Variants in CDK14 observed in about 807,000 individuals in gnomAD.
CDK14 encodes cyclin dependent kinase 14, also known as cyclin-dependent kinase 14.
A neutral mutation model predicts 60.7 loss-of-function variants in CDK14; 34 were observed. The observed-to-expected ratio is 0.56, with a 90% confidence interval of 0.43 to 0.75. The LOEUF (loss-of-function observed/expected upper bound fraction) is 0.75, where lower values mean the gene tolerates loss of function less well. CDK14 is among the 30% of genes least tolerant of loss of function. The pLI is 0.00. For synonymous variants in CDK14, 197 were observed against 203.7 expected (o/e 0.97, Z 0.28); for missense variants, 482 against 564.1 (o/e 0.85, Z 1.47).
At chr7:90,983,754 A>T (rs992911980) in intron 9 of CDK14, among the ~76,000 whole-genome samples, 4 of 152,092 alleles carry the variant, frequency 2.6e-5, no homozygotes, top group African/African-American at 7.2e-5. Context: ...ATGCTAAGTG[A>T]ATTAACACAG....
At chr7:90,971,636 T>G (rs1395879531) in intron 9 of CDK14, among the ~76,000 whole-genome samples, 1 of 140,256 alleles carries the variant, frequency 7.1e-6, no homozygotes, top group Non-Finnish European at 1.5e-5. Context: ...GACAACTTGA[T>G]GACTGCATAT....
At chr7:90,928,665 G>C (rs1397512135) in intron 8 of CDK14, among the ~76,000 whole-genome samples, 1 of 152,166 alleles carries the variant, frequency 6.6e-6, no homozygotes, top group Non-Finnish European at 1.5e-5. Context: ...GGCTACTCGG[G>C]GGTCAGGGAC....
intron 2 of CDK14, among the ~76,000 whole-genome samples, chr7:90,719,426 A>G (rs899303971): frequency 7.9e-5 from 12 of 152,152 alleles, no homozygotes; most frequent in Admixed American, 6.6e-4. Flanking sequence ...ATGAATGCCA[A>G]CCTTAACTGA....
Position 91,053,453 on chromosome 7 carries a change from G to A in CDK14, c.1105+7493G>A, listed in dbSNP as rs569905317. 5.3e-5 allele frequency among the ~76,000 whole-genome samples: 8 copies of A among 152,188 alleles called. No individual in the cohort carries two copies. In the East Asian group the frequency reaches 9.7e-4, roughly 18 times the overall value. On this transcript the variant is annotated intron_variant, in intron 11 of 14. Coordinates refer to ENST00000380050, the MANE Select transcript of CDK14 (RefSeq NM_001287135.2). The stretch of plus-strand genomic sequence containing the variant: ...TAGACCTACGAAGGAGAATTGTCAG[G>A]CTCTTCCCAACTCTGTCTTGTGGCA...
At chr7:90,961,409 C>G (rs552797093) in intron 9 of CDK14, among the ~76,000 whole-genome samples, 5 of 152,214 alleles carry the variant, frequency 3.3e-5, no homozygotes, top group Non-Finnish European at 5.9e-5. Flanking sequence ...TTTCACAGGA[C>G]TAGTACTTAT....
At chr7:90,679,169 A>G (rs557287142) in intron 2 of CDK14, among the ~76,000 whole-genome samples, 4 of 152,208 alleles carry the variant, frequency 2.6e-5, no homozygotes, top group African/African-American at 9.6e-5. Context: ...CCACGCTGGT[A>G]TCAAATTCCT....
rs577164481 is a variant in CDK14 at position 91,016,181 on chromosome 7, T to C, written c.1042-29716T>C. On this transcript the variant is annotated intron_variant, in intron 10 of 14. Transcript: ENST00000380050. ...GTATCTACCTTCAGAACAATGCCTG[T>C]AGGTTAGCACTTCTTCCATTATGAA... Among the ~76,000 whole-genome samples the C allele has an allele frequency of 1.4e-3, 210 of 152,272 alleles. 1 individual carries two copies. The highest frequency in any genetic ancestry group is 2.5e-3 in the Non-Finnish European group (171 of 68,024).
At chr7:90,969,968 CTTT>C (rs11317741) in intron 9 of CDK14, among the ~76,000 whole-genome samples, 13 of 122,384 alleles carry the variant, frequency 1.1e-4, no homozygotes, top group Non-Finnish European at 1.4e-4. Flanking sequence ...AATTTTTAAG[CTTT>C]TTTTTTTTTT....
At chr7:90,775,831 T>C (rs558266586) in intron 4 of CDK14, among the ~76,000 whole-genome samples, 4 of 151,036 alleles carry the variant, frequency 2.6e-5, no homozygotes, top group Non-Finnish European at 5.9e-5. Flanking sequence ...GTTTTTGTTA[T>C]TTGGTGTTTG....
intron 14 of CDK14, among the ~76,000 whole-genome samples, chr7:91,195,833 A>G (rs1488017606): frequency 1.3e-5 from 2 of 152,166 alleles, no homozygotes; most frequent in African/African-American, 4.8e-5. Flanking sequence ...ATATAGAAGA[A>G]AGCCCAGACC....
intron 2 of CDK14, among the ~76,000 whole-genome samples, chr7:90,674,943 G>A (rs1339367485): frequency 1.3e-5 from 2 of 152,242 alleles, no homozygotes; most frequent in Non-Finnish European, 2.9e-5. Flanking sequence ...GACATATGGT[G>A]TAGAATAAGA....
intron 14 of CDK14, among the ~76,000 whole-genome samples, chr7:91,145,544 A>G (rs1335113617): frequency 6.6e-6 from 1 of 152,144 alleles, no homozygotes; most frequent in Non-Finnish European, 1.5e-5. Flanking sequence ...GTCATTAGTG[A>G]CTAGTGTTGA....
intron 6 of CDK14, among the ~76,000 whole-genome samples, chr7:90,865,891 A>G (rs1791163018): frequency 6.6e-6 from 1 of 152,146 alleles, no homozygotes; most frequent in South Asian, 2.1e-4. Flanking sequence ...AGTTTGTAAG[A>G]TAGACCCAGG....
At chr7:90,837,296 T>TTC (rs1790139304) in intron 5 of CDK14, among the ~76,000 whole-genome samples, 1 of 151,330 alleles carries the variant, frequency 6.6e-6, no homozygotes, top group African/African-American at 2.4e-5. Flanking sequence ...TTTTTCTTTT[T>TTC]TTTTTTTTTG....
chr7:90,748,253 G>C (rs570391667), intron 4 of CDK14, among the ~76,000 whole-genome samples: 1 of 151,978 alleles, frequency 6.6e-6, no homozygotes, highest in Non-Finnish European at 1.5e-5. Flanking sequence ...GTCTGCTTTG[G>C]CATCATGCTG....
chr7:90,737,983 A>C (rs1435312101), intron 3 of CDK14, among the ~76,000 whole-genome samples: 1 of 152,194 alleles, frequency 6.6e-6, no homozygotes, highest in Non-Finnish European at 1.5e-5. Flanking sequence ...TACAGTGAAC[A>C]CTGAAGTATA....
At chr7:90,663,132 A>G (rs1279118906) in intron 2 of CDK14, among the ~76,000 whole-genome samples, 2 of 150,742 alleles carry the variant, frequency 1.3e-5, no homozygotes, top group African/African-American at 4.9e-5. Flanking sequence ...ACACACACAC[A>G]CGTAGAGTTC....
At chr7:91,132,132 A>T (rs1483437452) in intron 14 of CDK14, among the ~76,000 whole-genome samples, 1 of 152,146 alleles carries the variant, frequency 6.6e-6, no homozygotes, top group African/African-American at 2.4e-5. Context: ...AAATTTCAGG[A>T]TGATGACGGG....
At chr7:90,951,139 C>G (rs529068162) in intron 8 of CDK14, among the ~76,000 whole-genome samples, 1 of 152,168 alleles carries the variant, frequency 6.6e-6, no homozygotes, top group African/African-American at 2.4e-5. Flanking sequence ...AAGTCTTTCC[C>G]TTCCCAGTGT....
Sources: gnomAD v4.1 joint callset for allele counts (sites outside exome capture counted in the v4.1 genomes callset) on GRCh38, gnomAD v4.1.1 for gene constraint, MANE v1.5 for transcripts, NCBI Gene and HGNC (gene_info 2026-07-23, HGNC 2026-07-21) for gene names.